The following BEND7 variants were observed in gnomAD, a reference collection of about 807,000 sequenced individuals.
The protein encoded by BEND7 is BEN domain containing 7.
In BEND7, 28 loss-of-function variants were observed where a neutral mutation model predicts 50.9. The ratio of observed to expected loss-of-function variants is 0.55; its 90% confidence interval spans 0.41 to 0.75. BEND7 has a LOEUF of 0.75. BEND7 is among the 30% of genes least tolerant of loss of function. The pLI is 0.00. For missense variants in BEND7, 477 were observed against 491.3 expected (o/e 0.97, Z 0.28); for synonymous variants, 170 against 183.9 (o/e 0.92, Z 0.61).
At chr10:13,501,759 C>T (rs1015264366) in intron 2 of BEND7, among the ~76,000 whole-genome samples, 1 of 151,700 alleles carries the variant, frequency 6.6e-6, no homozygotes, top group Non-Finnish European at 1.5e-5. Context: ...GGTGGAAGGA[C>T]TGCTTGAGCC....
chr10:13,479,165 C>A (rs1007987713), intron 6 of BEND7, among the ~76,000 whole-genome samples: 1 of 151,994 alleles, frequency 6.6e-6, no homozygotes, highest in African/African-American at 2.4e-5. Flanking sequence ...CATCATCATG[C>A]CCCGCTAATT....
downstream of BEND7, chr10:13,441,079 G>A (rs530112154): frequency 1.5e-4 from 143 of 984,514 alleles, no homozygotes; most frequent in Middle Eastern, 5.2e-4. Flanking sequence ...GGCAAGATCC[G>A]CACGCACGTT....
chr10:13,499,754 C>G, intron 3 of BEND7, 24 bp downstream of exon 3: 1 of 1,575,740 alleles, frequency 6.3e-7, no homozygotes, highest in Non-Finnish European at 8.6e-7. Flanking sequence ...TGAGAGCCTT[C>G]TGAATGTTTG....
intron 2 of BEND7, among the ~76,000 whole-genome samples, chr10:13,505,080 G>A (rs891327106): frequency 3.9e-5 from 6 of 152,238 alleles, no homozygotes; most frequent in African/African-American, 7.2e-5. Context: ...AGAGTGCAGC[G>A]AATGCTCATC....
intron 2 of BEND7, among the ~76,000 whole-genome samples, chr10:13,503,712 A>AGAACAAAC (rs2077652281): frequency 1.3e-5 from 2 of 151,238 alleles, no homozygotes; most frequent in African/African-American, 4.9e-5. Context: ...ACTCCATCTC[A>AGAACAAAC]AAACAAACAA....
chr10:13,502,822 A>C (rs2077577439), intron 2 of BEND7: 36 of 847,460 alleles, frequency 4.2e-5, no homozygotes, highest in Non-Finnish European at 5.1e-5. Flanking sequence ...CTCCCTGAAC[A>C]GAGCAGCCAT....
At chr10:13,499,516 G>A (rs554861093) in intron 3 of BEND7, among the ~76,000 whole-genome samples, 40 of 152,180 alleles carry the variant, frequency 2.6e-4, no homozygotes, top group African/African-American at 5.3e-4. Context: ...CAAAATGATC[G>A]CTTTAACCTC....
chr10:13,488,971 T>G (rs1223490915), intron 5 of BEND7, among the ~76,000 whole-genome samples: 1 of 152,216 alleles, frequency 6.6e-6, no homozygotes, highest in East Asian at 1.9e-4. Context: ...TACTGATAGA[T>G]ATAGATAAGT....
chr10:13,491,400 G>T (rs2076649717), intron 5 of BEND7, among the ~76,000 whole-genome samples: 1 of 150,858 alleles, frequency 6.6e-6, no homozygotes, highest in Non-Finnish European at 1.5e-5. Context: ...TTCCGAATAT[G>T]TGATCTACCT....
intron 1 of BEND7, among the ~76,000 whole-genome samples, chr10:13,526,608 C>T (rs891061287): frequency 5.9e-5 from 9 of 152,282 alleles, no homozygotes; most frequent in African/African-American, 2.2e-4. Context: ...CAACAGTATG[C>T]TTTAAAGTTT....
chr10:13,499,479 T>G (rs775929347), intron 3 of BEND7, among the ~76,000 whole-genome samples: 2 of 152,198 alleles, frequency 1.3e-5, no homozygotes, highest in African/African-American at 2.4e-5. Context: ...AGGTTTTTTT[T>G]GTGACAATAA....
intron 6 of BEND7, among the ~76,000 whole-genome samples, chr10:13,460,738 T>C (rs750135862): frequency 4.6e-5 from 7 of 152,254 alleles, no homozygotes; most frequent in Non-Finnish European, 8.8e-5. Context: ...CACGTTTTTG[T>C]TGATTCTTAT....
intron 1 of BEND7, 114 bp downstream of exon 1, chr10:13,528,359 G>A (rs1418752306): frequency 1.4e-5 from 5 of 346,058 alleles, no homozygotes; most frequent in Non-Finnish European, 2.0e-5. Flanking sequence ...GAGGCACCGG[G>A]GGACCGGGAA....
intron 5 of BEND7, 146 bp from the exon 6 acceptor site, chr10:13,481,270 A>G (rs1470647838): frequency 1.3e-6 from 1 of 747,392 alleles, no homozygotes; most frequent in African/African-American, 1.8e-5. Context: ...GTCTGCCAGG[A>G]TCTGCTATTT....
At chr10:13,490,826 C>T (rs767326388) in intron 5 of BEND7, among the ~76,000 whole-genome samples, 10 of 151,762 alleles carry the variant, frequency 6.6e-5, no homozygotes, top group East Asian at 3.9e-4. Flanking sequence ...TTTTTTGAGA[C>T]GGAATCTCCC....
At chr10:13,445,125 C>G (rs1038510371) in intron 8 of BEND7, 3 of 152,182 alleles carry the variant, frequency 2.0e-5, no homozygotes, top group Non-Finnish European at 2.9e-5. Context: ...GCCTCTTTTC[C>G]TCTTTTCTAA....
chr10:13,522,096 A>C (rs570314737), intron 2 of BEND7, among the ~76,000 whole-genome samples: 17 of 147,600 alleles, frequency 1.2e-4, no homozygotes, highest in Non-Finnish European at 2.5e-4. Context: ...TAACTAGAAC[A>C]GGGCTTGGCA....
downstream of BEND7, chr10:13,438,566 G>A (rs930198147): frequency 6.6e-6 from 1 of 151,996 alleles, no homozygotes; most frequent in Non-Finnish European, 1.5e-5. Flanking sequence ...TATTACTTTC[G>A]GGGGGATAAT....
chr10:13,505,425 C>T (rs1040241977), intron 2 of BEND7, among the ~76,000 whole-genome samples: 12 of 152,208 alleles, frequency 7.9e-5, no homozygotes, highest in African/African-American at 2.2e-4. Flanking sequence ...GTGTGGATAA[C>T]GCTCTGGACC....
Sources: allele counts gnomAD v4.1 joint callset (sites outside exome capture counted in the v4.1 genomes callset), GRCh38; gene constraint gnomAD v4.1.1; transcripts MANE v1.5; gene names NCBI Gene and HGNC (gene_info 2026-07-23, HGNC 2026-07-21).